ABCC9: variants seen among roughly 807,000 people sequenced by gnomAD.
The protein encoded by ABCC9 is ATP binding cassette subfamily C member 9.
ABCC9 carries 95 observed loss-of-function variants against 188.3 expected under a neutral mutation model. That is an observed-to-expected ratio of 0.50 (90% CI 0.43 to 0.60). The LOEUF is 0.60. Ranked by LOEUF, ABCC9 falls within the 20% of genes least tolerant of loss-of-function variation. The pLI, the probability that ABCC9 is intolerant of heterozygous loss-of-function variation, is 0.00. For synonymous variants in ABCC9, 659 were observed against 652.7 expected, an observed-to-expected ratio of 1.01 and a Z score of -0.15; for missense variants, 1,102 against 1,876.3, an observed-to-expected ratio of 0.59 and a Z score of 7.62.
chr12:21,915,500 G>A (rs185890370), intron 7 of ABCC9, among the ~76,000 whole-genome samples, 168 bp downstream of exon 7: 7,144 of 8,246 alleles, frequency 0.87, 3,128 homozygotes, highest in Middle Eastern at 1. Flanking sequence ...GTGTGTGTGT[G>A]TATATATATA....
rs375336717 is a variant in ABCC9, at chr12:21,809,833, T to C, written c.4315+19A>G. 1 of 1,430,630 alleles carries C rather than the reference T, an allele frequency of 7.0e-7. No homozygotes were observed. Among genetic ancestry groups the C allele is most frequent in the Non-Finnish European group, 9.8e-7 (1 of 1,016,584 alleles). 88.6% of individuals were successfully genotyped at this position (1,430,630 alleles called of 1,614,324 possible). On this transcript the variant is annotated intron_variant, in intron 37 of 39. Transcript: ENST00000261200. ...TAATGGCATATATAAAAAATAAATA[T>C]GCTATTTAGGAAATATACCTAGACC...
chr12:21,820,723 C>T lies in ABCC9; in HGVS notation c.3670-2472G>A, dbSNP rs542695671. Among the ~76,000 whole-genome samples, 3 of 152,166 alleles carry T rather than the reference C, an allele frequency of 2.0e-5. 1 individual carries two copies. In the South Asian group the frequency reaches 6.2e-4, roughly 32 times the overall value. Reference sequence around the variant, plus strand: ...CTGCCTGAAATGCTTGTCGGTAGGTCTCTGATACCTGGCTCCTTCCCATCA... The same window carrying T: ...CTGCCTGAAATGCTTGTCGGTAGGTTTCTGATACCTGGCTCCTTCCCATCA... On this transcript the variant is annotated intron_variant, in intron 31 of 39. Coordinates refer to ENST00000261200, the MANE Select transcript of ABCC9 (RefSeq NM_020297.4).
At position 21,912,758 on chromosome 12, in the gene ABCC9, A is replaced by G. The variant is rs560530114; in HGVS notation, c.1011+114T>C. 182 of 892,682 alleles carry G rather than the reference A, an allele frequency of 2.0e-4. No individual in the cohort carries two copies. In the African/African-American group the frequency reaches 6.4e-3, roughly 31 times the overall value. 55.3% of individuals were successfully genotyped at this position (892,682 alleles called of 1,614,324 possible). ...TTTTCTTTCTTTTAGAAAGCATTCAATTCTCTGAAAAAAAGCCTATTTGAA... is the reference window on the plus strand; with the variant it reads ...TTTTCTTTCTTTTAGAAAGCATTCAGTTCTCTGAAAAAAAGCCTATTTGAA... On this transcript the variant is annotated intron_variant, in intron 8 of 39. Transcript: ENST00000261200.
At chr12:21,828,608 G>T in intron 31 of ABCC9, 1 of 333,724 alleles carries the variant, frequency 3.0e-6, no homozygotes. Context: ...TTCCAGGCAG[G>T]ACCAACTCAG....
intron 39 of ABCC9, among the ~76,000 whole-genome samples, chr12:21,801,636 G>T (rs1359714250): frequency 6.6e-6 from 1 of 152,190 alleles, no homozygotes; most frequent in Non-Finnish European, 1.5e-5. Context: ...ACAATATGGG[G>T]AAGTCCATTC....
intron 5 of ABCC9, among the ~76,000 whole-genome samples, chr12:21,919,646 C>A (rs1948729226): frequency 6.6e-6 from 1 of 151,708 alleles, no homozygotes; most frequent in Admixed American, 6.6e-5. Flanking sequence ...TCCCTTAGCC[C>A]AAATTCCAGG....
intron 31 of ABCC9, among the ~76,000 whole-genome samples, chr12:21,822,450 A>G (rs973995982): frequency 6.6e-6 from 1 of 152,144 alleles, no homozygotes; most frequent in African/African-American, 2.4e-5. Context: ...CTAAATTTCA[A>G]TCACTTCTCT....
chr12:21,894,905 C>T (rs1947327275), intron 13 of ABCC9, among the ~76,000 whole-genome samples: 1 of 152,180 alleles, frequency 6.6e-6, no homozygotes, highest in Non-Finnish European at 1.5e-5. Flanking sequence ...GGAACCAGAT[C>T]GTTGAGATTA....
intron 30 of ABCC9, among the ~76,000 whole-genome samples, chr12:21,834,935 C>G (rs1346025795): frequency 6.6e-6 from 1 of 151,914 alleles, no homozygotes; most frequent in Middle Eastern, 3.2e-3. Flanking sequence ...CTAGCAGTCA[C>G]AACATCAAGG....
intron 20 of ABCC9, 30 bp downstream of exon 20, chr12:21,862,923 T>C: frequency 7.0e-7 from 1 of 1,423,216 alleles, no homozygotes; most frequent in South Asian, 1.1e-5. Flanking sequence ...GTTGCCATTT[T>C]GGTTCTAAAT....
chr12:21,885,045 T>C (rs1442017332), intron 15 of ABCC9, among the ~76,000 whole-genome samples: 1 of 151,970 alleles, frequency 6.6e-6, no homozygotes, highest in Non-Finnish European at 1.5e-5. Flanking sequence ...AAGAACAGGG[T>C]GGGAAGAGTA....
intron 18 of ABCC9, among the ~76,000 whole-genome samples, chr12:21,867,005 A>G (rs1945815243): frequency 6.6e-6 from 1 of 152,162 alleles, no homozygotes; most frequent in Non-Finnish European, 1.5e-5. Flanking sequence ...AAGGTCCTGA[A>G]AAAAGCAAAA....
chr12:21,797,879 T>C lies in ABCC9; in HGVS notation c.*3165A>G. On this transcript the variant is annotated 3_prime_UTR_variant, in exon 40 of 40. Coordinates refer to ENST00000261200, the MANE Select transcript of ABCC9 (RefSeq NM_020297.4). Reference sequence around the variant, plus strand: ...AGATTAAGGAGTTATGATTTAAAAATTGATTTGACTAATTAAATATAAAAT... The same window carrying C: ...AGATTAAGGAGTTATGATTTAAAAACTGATTTGACTAATTAAATATAAAAT... 6.6e-6 allele frequency: 1 copy of C among 152,306 alleles called. No individual in the cohort carries two copies. The highest frequency in any genetic ancestry group is 1.9e-4 in the East Asian group (1 of 5,186). The allele number at this position is 152,306 out of a possible 1,614,324, so 9.4% of individuals were successfully genotyped here. A position where few individuals can be genotyped will look rare whatever the true frequency, so the allele number is the denominator to read the frequency against.
intron 30 of ABCC9, among the ~76,000 whole-genome samples, chr12:21,833,982 C>G (rs1190207339): frequency 6.6e-6 from 1 of 152,226 alleles, no homozygotes; most frequent in East Asian, 1.9e-4. Flanking sequence ...CTCAGTAAAA[C>G]TCTTTCAAAA....
At chr12:21,850,847 T>C (rs1944927728) in intron 24 of ABCC9, among the ~76,000 whole-genome samples, 2 of 152,174 alleles carry the variant, frequency 1.3e-5, no homozygotes, top group African/African-American at 4.8e-5. Context: ...TTGTCAACTG[T>C]ACCTGATACT....
rs1455767057 is a variant in ABCC9 at position 21,906,292 on chromosome 12, T to C, written c.1456-4A>G. 1.2e-6 allele frequency: 2 copies of C among 1,605,474 alleles called. No individual in the cohort carries two copies. The highest frequency in any genetic ancestry group is 1.1e-5 in the South Asian group (1 of 90,410). Reference sequence around the variant, plus strand: ...TGAGTCTCTCAGTGGAATAATCCTATAAAACAAAGGAAGAAAAATAATACC... The same window carrying C: ...TGAGTCTCTCAGTGGAATAATCCTACAAAACAAAGGAAGAAAAATAATACC... On this transcript the variant is annotated splice_polypyrimidine_tract_variant and splice_region_variant and intron_variant, in intron 11 of 39. Coordinates refer to ENST00000261200, the MANE Select transcript of ABCC9 (RefSeq NM_020297.4).
At chr12:21,869,078 T>C (rs946206462) in intron 18 of ABCC9, among the ~76,000 whole-genome samples, 1 of 152,386 alleles carries the variant, frequency 6.6e-6, no homozygotes, top group African/African-American at 2.4e-5. Context: ...TCTATTAGAA[T>C]ATTACATTTT....
Position 21,848,175 on chromosome 12 carries a change from T to C in ABCC9, c.2841A>G (p.Lys947=). 7 of 1,613,646 alleles carry C rather than the reference T, an allele frequency of 4.3e-6. No individual in the cohort carries two copies. Among genetic ancestry groups the C allele is most frequent in the Non-Finnish European group, 5.9e-6 (7 of 1,179,618 alleles). ...LRRAMYSREA[K]AQMEDEDEEE... ...CTTCGTCTTCGTCCTCCATCTGGGC[T>C]TTGGCTTCTCTTGAATACATGGCCC... is the stretch of plus-strand genomic sequence containing the variant. The change falls in exon 25 of 40, where the codon AAA becomes AAG. Residue 947 remains lysine, a synonymous_variant. Transcript: ENST00000261200.
chr12:21,911,444 ATAAT>A (rs1324363848), intron 8 of ABCC9, among the ~76,000 whole-genome samples: 1 of 151,940 alleles, frequency 6.6e-6, no homozygotes, highest in Non-Finnish European at 1.5e-5. Context: ...AATAAGATAA[ATAAT>A]AAATTATAAA....
Sources: allele counts gnomAD v4.1 joint callset (sites outside exome capture counted in the v4.1 genomes callset), GRCh38; gene constraint gnomAD v4.1.1; transcripts MANE v1.5; gene names NCBI Gene and HGNC (gene_info 2026-07-23, HGNC 2026-07-21).